Variants in IGSF5 observed in about 807,000 individuals in gnomAD.
IGSF5 encodes the protein immunoglobulin superfamily 5 like.
A neutral mutation model predicts 39.4 loss-of-function variants in IGSF5; 41 were observed. That is an observed-to-expected ratio of 1.04 (90% CI 0.81 to 1.35). The LOEUF (loss-of-function observed/expected upper bound fraction) is 1.35. IGSF5 is among the 40% of genes most tolerant of loss of function. The probability of loss-of-function intolerance (pLI) is 0.00; values close to 1 mark genes in which losing one functional copy is unlikely to be tolerated. For missense variants in IGSF5, 487 were observed against 494.6 expected (o/e 0.98, Z 0.15); for synonymous variants, 183 against 175.3 (o/e 1.04, Z -0.34).
chr21:39,714,872 T>C, the IGSF5 span, among the ~76,000 whole-genome samples: 1 of 152,150 alleles, frequency 6.6e-6, no homozygotes, highest in Non-Finnish European at 1.5e-5. Flanking sequence ...ATAATTTTGT[T>C]TGGGGGAAGA....
chr21:39,744,921 T>C (rs1410238416), upstream of IGSF5, among the ~76,000 whole-genome samples: 1 of 152,258 alleles, frequency 6.6e-6, no homozygotes, highest in African/African-American at 2.4e-5. Flanking sequence ...GTCAGTGGCC[T>C]CAGTGCTTTC....
the IGSF5 span, among the ~76,000 whole-genome samples, chr21:39,721,330 G>A: frequency 6.6e-6 from 1 of 152,100 alleles, no homozygotes; most frequent in Non-Finnish European, 1.5e-5. Flanking sequence ...GAGACTGTAG[G>A]TACAGCCCCC....
rs2080113422 is a variant in IGSF5, at chr21:39,771,278, G to A, written c.718+63G>A. ...TTATTTCATGCTTCAATATTACGTA[G>A]AATGCTCCTTCATCCACGATGCCTG... On this transcript the variant is annotated intron_variant, in intron 4 of 8. Coordinates refer to ENST00000380588, the MANE Select transcript of IGSF5 (RefSeq NM_001080444.2). 19 of 1,399,570 alleles carry A rather than the reference G, an allele frequency of 1.4e-5. No individual in the cohort carries two copies. The East Asian group carries it at 4.7e-4, about 34-fold the overall frequency. The allele number at this position is 1,399,570 out of a possible 1,614,324, so 86.7% of individuals were successfully genotyped here.
chr21:39,740,973 C>G (rs1277033398), upstream of IGSF5, among the ~76,000 whole-genome samples: 3 of 152,238 alleles, frequency 2.0e-5, no homozygotes, highest in African/African-American at 7.2e-5. Flanking sequence ...ACTGCCACCA[C>G]TACCCGTAAA....
intron 2 of IGSF5, among the ~76,000 whole-genome samples, chr21:39,760,419 G>C (rs2837176): frequency 0.39 from 59,315 of 151,862 alleles, 11,865 homozygotes; most frequent in Admixed American, 0.52. Flanking sequence ...CAGGCCAGGG[G>C]TTAGAGACTG....
rs117639975 is a variant in IGSF5 at position 39,759,250 on chromosome 21, C to T, written c.101-6285C>T. On this transcript the variant is annotated intron_variant, in intron 2 of 8. Coordinates refer to ENST00000380588, the MANE Select transcript of IGSF5 (RefSeq NM_001080444.2). ...GACATTTTGGCTTTGGGTCTATTTA[C>T]ACATTAAATCTAAGAGCACCAGAAT... Among the ~76,000 whole-genome samples, 835 of 152,306 alleles carry T rather than the reference C, an allele frequency of 5.5e-3. 5 individuals carry two copies. Among genetic ancestry groups the T allele is most frequent in the Non-Finnish European group, 9.6e-3 (653 of 68,036 alleles).
chr21:39,732,397 AG>A, the IGSF5 span, among the ~76,000 whole-genome samples: 1 of 152,202 alleles, frequency 6.6e-6, no homozygotes, highest in Admixed American at 6.5e-5. Flanking sequence ...TTCCTATCCA[AG>A]GGGAAAAACA....
At chr21:39,753,737 T>C (rs1210962443) in intron 2 of IGSF5, among the ~76,000 whole-genome samples, 2 of 55,638 alleles carry the variant, frequency 3.6e-5, no homozygotes, top group Admixed American at 2.4e-4. Context: ...ATGCCCTTCT[T>C]TGTCTTTTTT....
intron 8 of IGSF5, 129 bp downstream of exon 8, chr21:39,793,742 C>A: frequency 1.4e-6 from 1 of 737,810 alleles, no homozygotes; most frequent in Non-Finnish European, 2.4e-6. Context: ...TTCCTCCCCT[C>A]CATATCAGCT....
At chr21:39,791,082 T>A (rs964942074) in intron 6 of IGSF5, among the ~76,000 whole-genome samples, 6 of 152,214 alleles carry the variant, frequency 3.9e-5, no homozygotes, top group Admixed American at 3.9e-4. Context: ...CAAGGGAGAC[T>A]GTATCTAGTC....
intron 5 of IGSF5, among the ~76,000 whole-genome samples, chr21:39,781,710 A>C (rs1380441713): frequency 6.6e-6 from 1 of 152,142 alleles, no homozygotes; most frequent in Non-Finnish European, 1.5e-5. Flanking sequence ...CATAGTTTTG[A>C]TTCTATCTTA....
At chr21:39,727,894 G>A in the IGSF5 span, 15,531 of 152,252 alleles carry the variant, frequency 0.1, 1,030 homozygotes, top group Non-Finnish European at 0.14. Context: ...CTTCAAGCAC[G>A]GGCTGCAAGG....
At chr21:39,714,462 G>A in the IGSF5 span, among the ~76,000 whole-genome samples, 1,884 of 152,278 alleles carry the variant, frequency 0.012, 41 homozygotes, top group African/African-American at 0.043. Context: ...TCTATACATG[G>A]TGTATTTGTT....
At chr21:39,738,659 A>C in the IGSF5 span, among the ~76,000 whole-genome samples, 222 of 152,224 alleles carry the variant, frequency 1.5e-3, no homozygotes, top group Admixed American at 3.3e-3. This position sits in a 1 kb window ranked among gnomAD's most constrained non-coding sequence, Gnocchi z 6.4. Flanking sequence ...GAGGTGACAA[A>C]GGAAAAGGGG....
the IGSF5 span, among the ~76,000 whole-genome samples, chr21:39,727,490 T>A: frequency 1.3e-5 from 2 of 152,150 alleles, no homozygotes; most frequent in African/African-American, 2.4e-5. Flanking sequence ...TGGGCAGCCA[T>A]CAGAGCCTGA....
intron 3 of IGSF5, among the ~76,000 whole-genome samples, chr21:39,768,239 A>C (rs1346558610): frequency 2.0e-5 from 3 of 151,334 alleles, no homozygotes; most frequent in South Asian, 4.3e-4. Context: ...TAGTTCCTAG[A>C]GGAGCAAATG....
intron 2 of IGSF5, among the ~76,000 whole-genome samples, chr21:39,755,094 G>C (rs1205164112): frequency 1.3e-5 from 2 of 152,146 alleles, no homozygotes; most frequent in African/African-American, 4.8e-5. Context: ...GCTTGTCGGG[G>C]ACTAGAAGTC....
the IGSF5 span, among the ~76,000 whole-genome samples, chr21:39,716,621 A>G: frequency 6.4e-4 from 97 of 152,298 alleles, 1 homozygote; most frequent in African/African-American, 2.3e-3. Flanking sequence ...TTCCTGCATT[A>G]GTTTGCTAAG....
At chr21:39,782,837 C>T (rs4818096) in intron 5 of IGSF5, among the ~76,000 whole-genome samples, 68,336 of 151,948 alleles carry the variant, frequency 0.45, 15,960 homozygotes, top group East Asian at 0.63. Context: ...CTTATCTAGC[C>T]GTAACTTTGT....
Sources: allele counts gnomAD v4.1 joint callset (sites outside exome capture counted in the v4.1 genomes callset), GRCh38; gene constraint gnomAD v4.1.1; non-coding constraint Gnocchi (gnomAD v3.1); transcripts MANE v1.5; gene names NCBI Gene and HGNC (gene_info 2026-07-23, HGNC 2026-07-21).